Variants in VAC14 observed in about 807,000 individuals in gnomAD.
VAC14 encodes protein VAC14 homolog.
VAC14 carries 47 observed loss-of-function variants against 85.3 expected under a neutral mutation model. The observed-to-expected ratio is 0.55, with a 90% CI of 0.44 to 0.70. The LOEUF is 0.70. Among genes scored for constraint, VAC14 ranks in the 30% least tolerant of loss-of-function variants. The probability of loss-of-function intolerance (pLI) is 0.00; values close to 1 mark genes in which losing one functional copy is unlikely to be tolerated. For missense variants in VAC14, 861 were observed against 1,004.3 expected (o/e 0.86, Z 1.93); for synonymous variants, 447 against 430.5 (o/e 1.04, Z -0.47).
intron 1 of VAC14, among the ~76,000 whole-genome samples, chr16:70,788,991 G>T (rs1310385065): frequency 1.3e-5 from 2 of 152,220 alleles, no homozygotes; most frequent in African/African-American, 4.8e-5. Flanking sequence ...TTCACCTTAA[G>T]GGGACTCCTG....
chr16:70,795,080 C>T (rs1449743908), intron 1 of VAC14, among the ~76,000 whole-genome samples: 1 of 152,212 alleles, frequency 6.6e-6, no homozygotes, highest in Non-Finnish European at 1.5e-5. Flanking sequence ...ACCATATAGC[C>T]TAGTGTGTGG....
At chr16:70,752,891 A>G (rs750848016) in intron 12 of VAC14, among the ~76,000 whole-genome samples, 1 of 152,210 alleles carries the variant, frequency 6.6e-6, no homozygotes, top group Non-Finnish European at 1.5e-5. Context: ...CTGTCCTCAC[A>G]GAACTCCCAG....
At chr16:70,761,487 G>A (rs529407279) in intron 12 of VAC14, among the ~76,000 whole-genome samples, 1 of 152,362 alleles carries the variant, frequency 6.6e-6, no homozygotes, top group African/African-American at 2.4e-5. Context: ...GGATGCTGCC[G>A]TGCAATGGGC....
chr16:70,748,596 G>A (rs2031111930), intron 12 of VAC14, among the ~76,000 whole-genome samples: 2 of 152,232 alleles, frequency 1.3e-5, no homozygotes, highest in Non-Finnish European at 2.9e-5. Context: ...GGGGCCAGAG[G>A]TGAGGGTATG....
At chr16:70,693,653 G>A (rs1367705792) in intron 17 of VAC14, among the ~76,000 whole-genome samples, 1 of 152,212 alleles carries the variant, frequency 6.6e-6, no homozygotes, top group Non-Finnish European at 1.5e-5. Context: ...CCCGCTGGTG[G>A]CTGGCTGTAC....
At chr16:70,783,306 C>T (rs1598007210) in intron 6 of VAC14, 139 bp downstream of exon 6, 2 of 1,065,248 alleles carry the variant, frequency 1.9e-6, no homozygotes, top group East Asian at 2.4e-5. Context: ...CTCTTGGCTC[C>T]TCAAAGCGGG....
chr16:70,720,203 G>A (rs552320873), intron 14 of VAC14, among the ~76,000 whole-genome samples: 3 of 152,330 alleles, frequency 2.0e-5, no homozygotes, highest in South Asian at 2.1e-4. Flanking sequence ...TGCAGGAGAC[G>A]TGAAAGTGAC....
chr16:70,688,255 G>C (rs1390311204), intron 18 of VAC14, 165 bp from the exon 19 acceptor site: 1 of 1,259,400 alleles, frequency 7.9e-7, no homozygotes, highest in East Asian at 3.1e-5. Context: ...CCCAGAGCTG[G>C]GAAGCCCCTG....
chr16:70,738,524 A>G (rs1230354872), intron 13 of VAC14, among the ~76,000 whole-genome samples: 1 of 152,108 alleles, frequency 6.6e-6, no homozygotes, highest in African/African-American at 2.4e-5. Flanking sequence ...CTATTGCTGC[A>G]GGGTGAGGGC....
intron 12 of VAC14, among the ~76,000 whole-genome samples, chr16:70,748,667 C>G (rs1166718535): frequency 6.6e-6 from 1 of 152,134 alleles, no homozygotes; most frequent in African/African-American, 2.4e-5. Flanking sequence ...TGACACAAGG[C>G]CAGGTGCGGT....
In VAC14 at chr16:70,688,511, C is replaced by A. The variant is rs1464610531; in HGVS notation, c.2187-421G>T. 9.1e-6 allele frequency: 9 copies of A among 987,766 alleles called. 1 individual carries two copies. The highest frequency in any genetic ancestry group is 1.0e-3 in the Middle Eastern group (2 of 1,932). 61.2% of individuals were successfully genotyped at this position (987,766 alleles called of 1,614,324 possible). A position where few individuals can be genotyped will look rare whatever the true frequency, so the allele number is the denominator to read the frequency against. Reference sequence around the variant, plus strand: ...TTGGCCCTTTCTCTGAGAGGCAGGGCTAGGACTGGGGAAAATGGGAATTGC... The same window carrying A: ...TTGGCCCTTTCTCTGAGAGGCAGGGATAGGACTGGGGAAAATGGGAATTGC... On this transcript the variant is annotated intron_variant, in intron 18 of 18. Transcript: ENST00000261776.
chr16:70,789,149 C>T (rs759542201), intron 1 of VAC14, among the ~76,000 whole-genome samples: 13 of 152,048 alleles, frequency 8.5e-5, no homozygotes, highest in African/African-American at 2.4e-4. Flanking sequence ...ACGCAGAATG[C>T]GGTGGGAGGA....
At chr16:70,724,384 G>A (rs1007876624) in intron 14 of VAC14, among the ~76,000 whole-genome samples, 4 of 152,202 alleles carry the variant, frequency 2.6e-5, no homozygotes, top group African/African-American at 9.7e-5. Context: ...GTTCTGTGAG[G>A]TGCAAGGACG....
intron 14 of VAC14, among the ~76,000 whole-genome samples, chr16:70,726,092 G>A (rs550121787): frequency 8.5e-5 from 13 of 152,364 alleles, no homozygotes; most frequent in Admixed American, 2.0e-4. Flanking sequence ...CACAGCTGTC[G>A]GGTCACGCTG....
chr16:70,749,935 C>G (rs1475946000), intron 12 of VAC14, among the ~76,000 whole-genome samples: 1 of 152,240 alleles, frequency 6.6e-6, no homozygotes, highest in African/African-American at 2.4e-5. Flanking sequence ...AACAGGGGGC[C>G]TGGGTCCCAG....
intron 9 of VAC14, among the ~76,000 whole-genome samples, chr16:70,780,273 C>T (rs2033745285): frequency 6.6e-6 from 1 of 152,114 alleles, no homozygotes; most frequent in Non-Finnish European, 1.5e-5. Flanking sequence ...AGAGAATTTT[C>T]AAGTACAGAA....
At chr16:70,760,962 GGTGTGTGTGT>G (rs10671938) in intron 12 of VAC14, among the ~76,000 whole-genome samples, 606 of 47,576 alleles carry the variant, frequency 0.013, 13 homozygotes, top group South Asian at 0.023. Flanking sequence ...ACGAAGAGAG[GGTGTGTGTGT>G]GTGTGTGTGT....
intron 13 of VAC14, among the ~76,000 whole-genome samples, chr16:70,738,325 T>G (rs762554402): frequency 2.0e-5 from 3 of 152,174 alleles, no homozygotes; most frequent in Non-Finnish European, 4.4e-5. Flanking sequence ...GGGCAATCAC[T>G]TTCTCATCTG....
intron 1 of VAC14, among the ~76,000 whole-genome samples, chr16:70,791,535 C>A (rs2034339675): frequency 1.3e-5 from 2 of 152,190 alleles, no homozygotes; most frequent in South Asian, 2.1e-4. Context: ...CAGGCGCCTG[C>A]CATCACGCCT....
Sources: allele counts gnomAD v4.1 joint callset (sites outside exome capture counted in the v4.1 genomes callset), GRCh38; gene constraint gnomAD v4.1.1; transcripts MANE v1.5; gene names NCBI Gene and HGNC (gene_info 2026-07-23, HGNC 2026-07-21).